Variants in EPAS1 observed in about 807,000 individuals in gnomAD.
EPAS1 encodes the protein endothelial PAS domain protein 1.
Under a neutral mutation model 87.9 loss-of-function variants are expected in EPAS1, and 23 were observed. The observed-to-expected ratio is 0.26, with a 90% confidence interval of 0.19 to 0.37. The LOEUF (loss-of-function observed/expected upper bound fraction) is 0.37. Ranked by LOEUF, EPAS1 falls within the 10% of genes least tolerant of loss-of-function variation. EPAS1 has a pLI of 1.00. For synonymous variants in EPAS1, 508 were observed against 444.3 expected, an observed-to-expected ratio of 1.14 and a Z score of -1.80; for missense variants, 1,138 against 1,120.7, an observed-to-expected ratio of 1.02 and a Z score of -0.22.
At position 46,331,967 on chromosome 2, in the gene EPAS1, G is replaced by A. The variant is rs111411064; in HGVS notation, c.27-14906G>A. Reference sequence around the variant, plus strand: ...TGCTTTGCATAAAGTAGAATTAGCAGTGCTCCTGCACTCACCTGCCTGCGT... The same window carrying A: ...TGCTTTGCATAAAGTAGAATTAGCAATGCTCCTGCACTCACCTGCCTGCGT... On this transcript the variant is annotated intron_variant, in intron 1 of 15. Coordinates refer to ENST00000263734, the MANE Select transcript of EPAS1 (RefSeq NM_001430.5). Among the ~76,000 whole-genome samples the A allele has an allele frequency of 2.2e-3, 338 of 152,248 alleles. 2 individuals are homozygous for A. Among genetic ancestry groups the A allele is most frequent in the African/African-American group, 7.7e-3 (318 of 41,546 alleles).
At chr2:46,378,589 C>T (rs759738979) in intron 10 of EPAS1, 68 bp from the exon 11 acceptor site, 2 of 1,365,676 alleles carry the variant, frequency 1.5e-6, no homozygotes, top group South Asian at 1.2e-5. Flanking sequence ...ATTTCTTCTT[C>T]CATGCTGGAC....
chr2:46,357,538 C>T (rs1558600783), intron 4 of EPAS1, among the ~76,000 whole-genome samples: 2 of 152,210 alleles, frequency 1.3e-5, no homozygotes, highest in African/African-American at 4.8e-5. Context: ...AAGGCTTTGT[C>T]CCCAGATTGG....
chr2:46,343,314 T>G (rs1430038035), intron 1 of EPAS1, among the ~76,000 whole-genome samples: 1 of 152,184 alleles, frequency 6.6e-6, no homozygotes, highest in Non-Finnish European at 1.5e-5. Flanking sequence ...TCATGAAATT[T>G]TTGTCACTGT....
chr2:46,377,440 G>A (rs142466050), intron 9 of EPAS1, among the ~76,000 whole-genome samples: 1 of 152,324 alleles, frequency 6.6e-6, no homozygotes, highest in Non-Finnish European at 1.5e-5. Context: ...GACTGTGTCA[G>A]CCCCTTTTAG....
chr2:46,306,755 C>G (rs1260843131), intron 1 of EPAS1, among the ~76,000 whole-genome samples: 2 of 152,108 alleles, frequency 1.3e-5, no homozygotes, highest in African/African-American at 4.8e-5. Context: ...CTTGAGAATC[C>G]TTCCTTCTGC....
intron 9 of EPAS1, 106 bp from the exon 10 acceptor site, chr2:46,377,788 C>T (rs1684789548): frequency 6.5e-7 from 1 of 1,544,264 alleles, no homozygotes; most frequent in Non-Finnish European, 8.8e-7. Flanking sequence ...CCCAGGCATG[C>T]CTTCCAGACC....
chr2:46,298,451 G>T (rs1395461841), intron 1 of EPAS1, among the ~76,000 whole-genome samples: 1 of 152,200 alleles, frequency 6.6e-6, no homozygotes, highest in South Asian at 2.1e-4. Context: ...TCAGGGACAC[G>T]ATCCTACCGA....
chr2:46,370,468 G>GGTCACATGTGTGTTCTCAGAGGTCACAT (rs1162205728), intron 7 of EPAS1, among the ~76,000 whole-genome samples: 3 of 152,162 alleles, frequency 2.0e-5, no homozygotes, highest in African/African-American at 7.2e-5. Context: ...CATATGTTGA[G>GGTCACATGTGTGTTCTCAGAGGTCACAT]GTAGGCCACA....
chr2:46,381,897 A>G, intron 13 of EPAS1, 78 bp from the exon 14 acceptor site: 2 of 1,376,488 alleles, frequency 1.5e-6, no homozygotes, highest in Non-Finnish European at 1.0e-6. Flanking sequence ...GCCCTGTTCC[A>G]GGCCCACCCA....
Position 46,378,733 on chromosome 2 carries a change from T to G in EPAS1, c.1520T>G (p.Met507Arg). ...KIEVIEKLFA[M>R]DTEAKDQCST... ...GAAGTGATTGAGAAGCTCTTCGCCA[T>G]GGACACAGAGGCCAAGGACCAATGC... is the stretch of plus-strand genomic sequence containing the variant. Residue 507 changes from methionine to arginine, a missense_variant, in exon 11 of 16, where the codon ATG becomes AGG. Met to Arg is a moderately conservative substitution (Grantham distance 91). Coordinates refer to ENST00000263734, the MANE Select transcript of EPAS1 (RefSeq NM_001430.5). 2 of 1,614,200 alleles carry G rather than the reference T, an allele frequency of 1.2e-6. No homozygotes were observed. The highest frequency in any genetic ancestry group is 8.5e-7 in the Non-Finnish European group (1 of 1,179,998).
chr2:46,330,946 C>T (rs1328078826), intron 1 of EPAS1, among the ~76,000 whole-genome samples: 1 of 151,904 alleles, frequency 6.6e-6, no homozygotes, highest in Non-Finnish European at 1.5e-5. Flanking sequence ...TTTTCCTCCC[C>T]ATTTTGGGTT....
intron 1 of EPAS1, among the ~76,000 whole-genome samples, chr2:46,322,894 A>G (rs78889503): frequency 6.6e-6 from 1 of 152,334 alleles, no homozygotes; most frequent in African/African-American, 2.4e-5. Context: ...TCTTTCACAC[A>G]CTGCTCCTGA....
chr2:46,340,312 C>T lies in EPAS1; in HGVS notation c.27-6561C>T, dbSNP rs567698197. ...GGTGAGCCCCAGACATTACTGTCAG[C>T]GCTGAATGCAGTCCAGGCCCTCTGC... On this transcript the variant is annotated intron_variant, in intron 1 of 15. Coordinates refer to ENST00000263734, the MANE Select transcript of EPAS1 (RefSeq NM_001430.5). Among the ~76,000 whole-genome samples the T allele has an allele frequency of 6.3e-5, 9 of 143,978 alleles. 1 individual carries two copies. Among genetic ancestry groups the T allele is most frequent in the African/African-American group, 2.7e-4 (9 of 33,672 alleles). The allele number at this position is 143,978 out of a possible 152,430, so 94.5% of individuals were successfully genotyped here.
At chr2:46,349,843 C>T (rs1426048560) in intron 2 of EPAS1, among the ~76,000 whole-genome samples, 4 of 152,152 alleles carry the variant, frequency 2.6e-5, no homozygotes, top group African/African-American at 2.4e-5. Flanking sequence ...ACACATGTAG[C>T]GTTATGAAGA....
intron 1 of EPAS1, among the ~76,000 whole-genome samples, chr2:46,331,302 G>T (rs1388657676): frequency 6.6e-6 from 1 of 152,192 alleles, no homozygotes; most frequent in Non-Finnish European, 1.5e-5. Flanking sequence ...TATCCCCAGT[G>T]CCTGGCATGT....
chr2:46,335,079 G>T (rs1364186912), intron 1 of EPAS1, among the ~76,000 whole-genome samples: 2 of 151,940 alleles, frequency 1.3e-5, no homozygotes, highest in African/African-American at 4.8e-5. Flanking sequence ...TTTTTAATAG[G>T]GAGGGGAGAA....
At chr2:46,339,057 T>C (rs1353675845) in intron 1 of EPAS1, among the ~76,000 whole-genome samples, 1 of 152,182 alleles carries the variant, frequency 6.6e-6, no homozygotes, top group Non-Finnish European at 1.5e-5. Flanking sequence ...CAGCTAAAAA[T>C]TAGAAACCAT....
Position 46,323,922 on chromosome 2 carries a change from T to C in EPAS1, c.27-22951T>C, listed in dbSNP as rs944860526. Among the ~76,000 whole-genome samples the C allele has an allele frequency of 3.3e-5, 5 of 152,236 alleles. No homozygotes were observed. In the East Asian group the frequency reaches 9.6e-4, roughly 29 times the overall value. The stretch of plus-strand genomic sequence containing the variant: ...TCTGAAATAACCCACCATGATCTTT[T>C]GCGTGTTTCTGCCAGCCCATACAAT... On this transcript the variant is annotated intron_variant, in intron 1 of 15. Transcript: ENST00000263734.
chr2:46,315,986 G>A (rs1683308822), intron 1 of EPAS1, among the ~76,000 whole-genome samples: 1 of 152,110 alleles, frequency 6.6e-6, no homozygotes, highest in Non-Finnish European at 1.5e-5. Context: ...GTAAAAGAAG[G>A]CATGGAGATA....
Sources: gnomAD v4.1 joint callset for allele counts (sites outside exome capture counted in the v4.1 genomes callset) on GRCh38, gnomAD v4.1.1 for gene constraint, MANE v1.5 for transcripts, NCBI Gene and HGNC (gene_info 2026-07-23, HGNC 2026-07-21) for gene names.